Variants in TMOD2 observed in about 807,000 individuals in gnomAD.
The protein encoded by TMOD2 is tropomodulin 2, also known as tropomodulin-2.
TMOD2 carries 22 observed loss-of-function variants against 39.9 expected under a neutral mutation model. That is an observed-to-expected ratio of 0.55 (90% confidence interval 0.39 to 0.79). The LOEUF is 0.79. Among genes scored for constraint, TMOD2 ranks in the 30% least tolerant of loss-of-function variants. The pLI is 0.00. For missense variants in TMOD2, 386 were observed against 413.3 expected (o/e 0.93, Z 0.57); for synonymous variants, 123 against 146.1 (o/e 0.84, Z 1.14).
At chr15:51,773,926 A>G (rs1246409939) in intron 4 of TMOD2, 92 bp downstream of exon 4, 3 of 1,407,320 alleles carry the variant, frequency 2.1e-6, no homozygotes, top group Non-Finnish European at 2.9e-6. Flanking sequence ...AGCTTCTCTT[A>G]GGTAGGAGAA....
intron 3 of TMOD2, among the ~76,000 whole-genome samples, chr15:51,769,466 C>T (rs538476959): frequency 6.6e-6 from 1 of 152,300 alleles, no homozygotes; most frequent in South Asian, 2.1e-4. Flanking sequence ...TAAGACCCTG[C>T]CCTGCCCTCA....
chr15:51,803,190 T>TTTTTTTTTTG (rs1555463181), intron 8 of TMOD2, among the ~76,000 whole-genome samples: 19 of 148,928 alleles, frequency 1.3e-4, no homozygotes, highest in East Asian at 7.9e-4. Flanking sequence ...TTTTTTTTTT[T>TTTTTTTTTTG]TCTTTTTGAG....
chr15:51,802,844 T>C (rs1362079417), intron 8 of TMOD2, among the ~76,000 whole-genome samples: 1 of 152,170 alleles, frequency 6.6e-6, no homozygotes, highest in Non-Finnish European at 1.5e-5. Context: ...TACCACATTG[T>C]GTTAAGTTCT....
At chr15:51,752,218 G>T (rs2055710238) in intron 1 of TMOD2, among the ~76,000 whole-genome samples, 1 of 152,136 alleles carries the variant, frequency 6.6e-6, no homozygotes, top group Non-Finnish European at 1.5e-5. Context: ...GGGCGTTTCA[G>T]CCTCCCAGTA....
At chr15:51,788,841 A>G (rs1257250425) in intron 7 of TMOD2, among the ~76,000 whole-genome samples, 3 of 152,256 alleles carry the variant, frequency 2.0e-5, no homozygotes, top group Admixed American at 6.5e-5. Flanking sequence ...CTGCCTTACA[A>G]GAGCTCCTGA....
intron 4 of TMOD2, 57 bp from the exon 5 acceptor site, chr15:51,776,875 T>C (rs2055892641): frequency 1.5e-6 from 2 of 1,368,874 alleles, no homozygotes; most frequent in African/African-American, 1.4e-5. Context: ...AAATTAACAA[T>C]GTGGACATCC....
At chr15:51,776,714 G>A (rs1485898921) in intron 4 of TMOD2, among the ~76,000 whole-genome samples, 1 of 152,174 alleles carries the variant, frequency 6.6e-6, no homozygotes, top group East Asian at 1.9e-4. Flanking sequence ...GATTCTACAT[G>A]TGGAGACGTA....
At chr15:51,776,413 G>A (rs186302590) in intron 4 of TMOD2, among the ~76,000 whole-genome samples, 101 of 152,280 alleles carry the variant, frequency 6.6e-4, no homozygotes, top group African/African-American at 2.2e-3. Flanking sequence ...AAATCAGTAC[G>A]CTTAGCTGAC....
rs373624853 is a variant in TMOD2, at chr15:51,806,403, G to T, written c.903G>T (p.Glu301Asp). 1.5e-5 allele frequency: 25 copies of T among 1,614,100 alleles called. No homozygotes were observed. Among genetic ancestry groups the T allele is most frequent in the African/African-American group, 2.7e-5 (2 of 74,942 alleles). Residue 301 changes from glutamate (E) to aspartate (D), a missense_variant, in exon 9 of 10, where the codon GAG becomes GAT. Physicochemically the swap from Glu to Asp is conservative, Grantham distance 45. Transcript: ENST00000249700. ...NQRQQLGTAV[E>D]MEIAQMLEEN... is the part of the protein sequence containing the mutation. ...GGCAGCAGTTGGGAACAGCTGTAGAGATGGAAATTGCCCAGATGCTGGAGG... is the reference window on the plus strand; with the variant it reads ...GGCAGCAGTTGGGAACAGCTGTAGATATGGAAATTGCCCAGATGCTGGAGG...
At chr15:51,801,234 CT>C (rs1446062381) in intron 8 of TMOD2, among the ~76,000 whole-genome samples, 2 of 100,562 alleles carry the variant, frequency 2.0e-5, no homozygotes, top group Non-Finnish European at 3.9e-5. Flanking sequence ...CTCTCTCTCT[CT>C]CTCACACACA....
intron 6 of TMOD2, 142 bp from the exon 7 acceptor site, chr15:51,782,579 A>G (rs936873759): frequency 1.5e-6 from 1 of 658,700 alleles, no homozygotes; most frequent in Non-Finnish European, 2.6e-6. Context: ...TTGGTTGCTG[A>G]AGGCTAGGTA....
intron 9 of TMOD2, among the ~76,000 whole-genome samples, chr15:51,808,115 C>T (rs1372073785): frequency 1.3e-5 from 2 of 152,128 alleles, no homozygotes; most frequent in African/African-American, 4.8e-5. Context: ...CGTGGATAAA[C>T]GGCCATGAAA....
chr15:51,785,239 C>T (rs908540508), intron 7 of TMOD2, among the ~76,000 whole-genome samples: 32 of 151,480 alleles, frequency 2.1e-4, no homozygotes, highest in Non-Finnish European at 4.0e-4. Context: ...GGTGAAACCC[C>T]GTCTCTACTA....
At chr15:51,756,763 T>C (rs1454591128) in intron 1 of TMOD2, among the ~76,000 whole-genome samples, 1 of 152,228 alleles carries the variant, frequency 6.6e-6, no homozygotes. Context: ...CCCATTGCCG[T>C]ACCATATTTC....
intron 8 of TMOD2, among the ~76,000 whole-genome samples, chr15:51,801,546 T>G (rs563208385): frequency 2.0e-5 from 3 of 152,224 alleles, no homozygotes; most frequent in South Asian, 4.1e-4. Context: ...AGCACAGCAA[T>G]GGGCAGCTGC....
In TMOD2 at chr15:51,773,853, GAACT is replaced by G; in HGVS notation, c.406+20_406+23del. 1 of 1,591,164 alleles carries G rather than the reference GAACT, an allele frequency of 6.3e-7. No homozygotes were observed. The highest frequency in any genetic ancestry group is 8.5e-7 in the Non-Finnish European group (1 of 1,173,140). On this transcript the variant is annotated intron_variant, in intron 4 of 9. Coordinates refer to ENST00000249700, the MANE Select transcript of TMOD2 (RefSeq NM_014548.4). Reference sequence around the variant, plus strand: ...CTTGCAGGTTAGTCCTGAACTCTGGGAACTTTCCTGTCTGGCTCTATGACCTCCG... The same window carrying G: ...CTTGCAGGTTAGTCCTGAACTCTGGGTTCCTGTCTGGCTCTATGACCTCCG...
chr15:51,801,627 G>A (rs2056091018), intron 8 of TMOD2, among the ~76,000 whole-genome samples: 1 of 152,164 alleles, frequency 6.6e-6, no homozygotes, highest in African/African-American at 2.4e-5. Flanking sequence ...AGGTCAATGT[G>A]CAGTGATTTA....
chr15:51,753,344 A>C (rs942335975), intron 1 of TMOD2, among the ~76,000 whole-genome samples: 1 of 152,224 alleles, frequency 6.6e-6, no homozygotes, highest in African/African-American at 2.4e-5. Context: ...GGAGGTCACC[A>C]CTGGAACCAA....
chr15:51,765,281 G>A (rs957206856), intron 1 of TMOD2, among the ~76,000 whole-genome samples: 2 of 152,132 alleles, frequency 1.3e-5, no homozygotes, highest in Admixed American at 6.5e-5. Context: ...GATTACAGGC[G>A]TGAGCCAACG....
Sources: allele counts gnomAD v4.1 joint callset (sites outside exome capture counted in the v4.1 genomes callset), GRCh38; gene constraint gnomAD v4.1.1; transcripts MANE v1.5; gene names NCBI Gene and HGNC (gene_info 2026-07-23, HGNC 2026-07-21).